NPHP4: variants seen among roughly 807,000 people sequenced by gnomAD.
NPHP4 encodes the protein nephrocystin-4.
Under a neutral mutation model 155.8 loss-of-function variants are expected in NPHP4, and 151 were observed. The observed-to-expected ratio is 0.97, with a 90% CI of 0.85 to 1.11. NPHP4 has a LOEUF of 1.11. NPHP4 is among the 50% of genes least tolerant of loss of function. NPHP4 has a pLI of 0.00. For missense variants in NPHP4, 1,956 were observed against 1,925.7 expected (o/e 1.02, Z -0.29); for synonymous variants, 845 against 816.8 (o/e 1.03, Z -0.59).
In NPHP4 at chr1:5,947,135, A is replaced by C. The variant is rs369344801; in HGVS notation, c.1088T>G (p.Val363Gly). The C allele has an allele frequency of 5.6e-6, 9 of 1,613,830 alleles. No homozygotes were observed. The African/African-American group carries it at 1.2e-4, about 22-fold the overall frequency. ...AFAVIFQLEY[V>G]FSSPAGVDGN... Reference sequence around the variant, plus strand: ...GTCCACTCCTGCAGGGCTGCTGAACACGTACTCCAGCTGGAAGATGACCGC... The same window carrying C: ...GTCCACTCCTGCAGGGCTGCTGAACCCGTACTCCAGCTGGAAGATGACCGC... Residue 363 changes from valine (V) to glycine (G), a missense_variant, in exon 9 of 30, where the codon GTG becomes GGG. By Grantham distance (109) the Val-to-Gly change is moderately radical. Transcript: ENST00000378156.
At chr1:5,986,684 C>T (rs1054360634) in intron 1 of NPHP4, among the ~76,000 whole-genome samples, 3 of 152,018 alleles carry the variant, frequency 2.0e-5, no homozygotes, top group African/African-American at 4.8e-5. Context: ...TTGAACTATG[C>T]GAATTACCTT....
intron 9 of NPHP4, among the ~76,000 whole-genome samples, chr1:5,939,399 G>A (rs938740771): frequency 1.7e-4 from 26 of 152,236 alleles, no homozygotes; most frequent in Non-Finnish European, 3.2e-4. Context: ...GGGTTGGGCC[G>A]GTGTAAAGCT....
In NPHP4 at chr1:5,928,037, G is replaced by A. The variant is rs1011763486; in HGVS notation, c.1303-250C>T. ...CCAAGCAGAAATCGCAATCTCTCTC[G>A]AGTTGTGAATGTTGTCATTGACCTA... is the stretch of plus-strand genomic sequence containing the variant. On this transcript the variant is annotated intron_variant, in intron 10 of 29. Transcript: ENST00000378156. Among the ~76,000 whole-genome samples the A allele has an allele frequency of 3.3e-5, 5 of 152,212 alleles. No individual in the cohort carries two copies. In the East Asian group the frequency reaches 7.7e-4, roughly 24 times the overall value.
Position 5,948,076 on chromosome 1 carries a change from T to C in NPHP4, c.986A>G (p.Lys329Arg). The C allele has an allele frequency of 6.2e-7, 1 of 1,613,518 alleles. No individual in the cohort carries two copies. The highest frequency in any genetic ancestry group is 1.3e-5 in the African/African-American group (1 of 75,024). ...SFSRKVVSSSKTSSGSQALVL... is the reference protein window; with the variant it reads ...SFSRKVVSSSRTSSGSQALVL... ...GGGACCCAAGAGACAATACCTGGTC[T>C]TGGAAGAGGAGACCACTTTCCTGCT... The change falls in exon 8 of 30, where the codon AAG (lysine) becomes AGG (arginine). Residue 329 changes from lysine to arginine, a missense_variant. Transcript: ENST00000378156.
chr1:5,904,917 TAA>T, intron 15 of NPHP4, 113 bp from the exon 16 acceptor site: 1 of 1,085,298 alleles, frequency 9.2e-7, no homozygotes, highest in Non-Finnish European at 1.4e-6. Flanking sequence ...TGGGGAACAG[TAA>T]AGAGGCTGCC....
chr1:5,881,851 G>C (rs892421555), intron 18 of NPHP4: 3 of 152,276 alleles, frequency 2.0e-5, no homozygotes, highest in African/African-American at 7.2e-5. Context: ...ATCTGTCCCT[G>C]CTTCAGTCTT....
chr1:5,945,015 C>T (rs1271933614), intron 9 of NPHP4, among the ~76,000 whole-genome samples: 1 of 152,282 alleles, frequency 6.6e-6, no homozygotes, highest in South Asian at 2.1e-4. Flanking sequence ...GCACCCGCAC[C>T]CCAGACGCCC....
intron 22 of NPHP4, 66 bp from the exon 23 acceptor site, chr1:5,873,401 T>TA: frequency 7.7e-7 from 1 of 1,304,932 alleles, no homozygotes; most frequent in Non-Finnish European, 1.1e-6. Flanking sequence ...CACCTGTGCT[T>TA]AGAGACACCA....
intron 11 of NPHP4, among the ~76,000 whole-genome samples, chr1:5,914,327 G>A (rs1029807621): frequency 6.8e-6 from 1 of 146,414 alleles, no homozygotes; most frequent in Non-Finnish European, 1.5e-5. Flanking sequence ...CCAGCTACAT[G>A]GGAGGCAGAA....
chr1:5,952,778 T>A lies in NPHP4; in HGVS notation c.732A>T (p.Leu244Phe). ...CCAGGGAGGGGTACAGGGTGAAGAA[T>A]AAGTCATCCAAGTGCCCCGTGATGG... is the stretch of plus-strand genomic sequence containing the variant. ...QKPITGHLDDLFFTLYPSLEK... is the reference protein window; with the variant it reads ...QKPITGHLDDFFFTLYPSLEK... Residue 244 changes from leucine to phenylalanine, a missense_variant, in exon 7 of 30, where the codon TTA (leucine) becomes TTT (phenylalanine). Coordinates refer to ENST00000378156, the MANE Select transcript of NPHP4 (RefSeq NM_015102.5). 1 of 1,588,638 alleles carries A rather than the reference T, an allele frequency of 6.3e-7. No homozygotes were observed. Among genetic ancestry groups the A allele is most frequent in the Non-Finnish European group, 8.6e-7 (1 of 1,167,352 alleles).
At chr1:5,921,252 A>C (rs750215715) in intron 11 of NPHP4, among the ~76,000 whole-genome samples, 9 of 152,380 alleles carry the variant, frequency 5.9e-5, no homozygotes, top group South Asian at 4.1e-4. Flanking sequence ...CTGTCCAAGT[A>C]AGTCAGTTTA....
At chr1:5,976,291 G>A (rs1437237173) in intron 3 of NPHP4, among the ~76,000 whole-genome samples, 1 of 152,142 alleles carries the variant, frequency 6.6e-6, no homozygotes, top group African/African-American at 2.4e-5. Flanking sequence ...CTCCACAGGA[G>A]GATGACAGGC....
chr1:5,948,399 C>A lies in NPHP4; in HGVS notation c.811-148G>T, dbSNP rs926171650. On this transcript the variant is annotated intron_variant, in intron 7 of 29. Transcript: ENST00000378156. ...AGATGATGCTTAGTCAAGATGAGTG[C>A]AAGCAAATGACAGATACAGCACCCA... The A allele has an allele frequency of 2.4e-5, 15 of 636,480 alleles. No individual in the cohort carries two copies. The African/African-American group carries it at 2.7e-4, about 12-fold the overall frequency. The allele number at this position is 636,480 out of a possible 1,614,324, so 39.4% of individuals were successfully genotyped here.
rs1473771497 is a variant in NPHP4, at chr1:5,873,298, G to A, written c.3269C>T (p.Ala1090Val). The A allele has an allele frequency of 6.2e-6, 10 of 1,613,830 alleles. No homozygotes were observed. The highest frequency in any genetic ancestry group is 8.5e-6 in the Non-Finnish European group (10 of 1,179,860). ...TGCGCTGGACTTCCAAGGTGACACG[G>A]CGTCCATGCCCTTCTCGTTGCTCAA... ...PGLSNEKGMD[A>V]VSPWKSSAVP... Residue 1090 changes from alanine to valine, a missense_variant, in exon 23 of 30, where the codon GCC becomes GTC. Coordinates refer to ENST00000378156, the MANE Select transcript of NPHP4 (RefSeq NM_015102.5).
chr1:5,933,086 G>C, intron 10 of NPHP4, 61 bp downstream of exon 10: 1 of 1,336,374 alleles, frequency 7.5e-7, no homozygotes, highest in Non-Finnish European at 1.0e-6. Context: ...TTTTGCTTTT[G>C]AAAATGAATG....
chr1:5,949,957 G>C (rs186071552), intron 7 of NPHP4, among the ~76,000 whole-genome samples: 1 of 152,272 alleles, frequency 6.6e-6, no homozygotes, highest in East Asian at 1.9e-4. Flanking sequence ...GTCAGTCCAA[G>C]GGCAATGAGA....
intron 16 of NPHP4, among the ~76,000 whole-genome samples, chr1:5,900,244 C>A (rs1000703881): frequency 4.6e-5 from 7 of 152,244 alleles, no homozygotes; most frequent in Admixed American, 2.6e-4. Context: ...TATGTACACA[C>A]AACACCCTGT....
Position 5,878,250 on chromosome 1 carries a change from G to A in NPHP4, c.2612-952C>T, listed in dbSNP as rs575057592. Reference sequence around the variant, plus strand: ...AAGCCTCCACACAGTGGACAGCAACGTGACCCCCGCCTCCTTCTCACAAGG... The same window carrying A: ...AAGCCTCCACACAGTGGACAGCAACATGACCCCCGCCTCCTTCTCACAAGG... On this transcript the variant is annotated intron_variant, in intron 19 of 29. Coordinates refer to ENST00000378156, the MANE Select transcript of NPHP4 (RefSeq NM_015102.5). Among the ~76,000 whole-genome samples the A allele has an allele frequency of 5.9e-5, 9 of 152,348 alleles. No individual in the cohort carries two copies. The South Asian group carries it at 6.2e-4, about 11-fold the overall frequency.
chr1:5,880,398 GA>G, intron 18 of NPHP4, 159 bp from the exon 19 acceptor site: 1 of 691,438 alleles, frequency 1.4e-6, no homozygotes, highest in South Asian at 1.9e-5. Context: ...TTGCAATTGA[GA>G]GACAGGTGGG....
Sources: allele counts gnomAD v4.1 joint callset (sites outside exome capture counted in the v4.1 genomes callset), GRCh38; gene constraint gnomAD v4.1.1; transcripts MANE v1.5; gene names NCBI Gene and HGNC (gene_info 2026-07-23, HGNC 2026-07-21).